Variants in MPV17 observed in about 807,000 individuals in gnomAD.
MPV17 encodes MPV17, mitochondrial inner membrane protein.
MPV17 carries 31 observed loss-of-function variants against 28.6 expected under a neutral mutation model. The ratio of observed to expected loss-of-function variants is 1.08; its 90% CI spans 0.81 to 1.46. The LOEUF is 1.46. Ranked by LOEUF, MPV17 falls within the 40% of genes most tolerant of loss-of-function variation. MPV17 has a pLI of 0.00. For synonymous variants in MPV17, 87 were observed against 85.3 expected (o/e 1.02, Z -0.11); for missense variants, 198 against 216.2 (o/e 0.92, Z 0.53).
At position 27,321,684 on chromosome 2, in the gene MPV17, G is replaced by T. The variant is rs1679865625; in HGVS notation, c.70+764C>A. Among the ~76,000 whole-genome samples, 3 of 152,276 alleles carry T rather than the reference G, an allele frequency of 2.0e-5. No homozygotes were observed. The South Asian group carries it at 6.2e-4, about 32-fold the overall frequency. On this transcript the variant is annotated intron_variant, in intron 2 of 7. Coordinates refer to ENST00000380044, the MANE Select transcript of MPV17 (RefSeq NM_002437.5). ...CAAAATGAAGATGGTAACAAATGCA[G>T]GTAGGTCACTGCATTACCTCTGTGA...
chr2:27,312,509 C>G lies in MPV17; in HGVS notation c.360G>C (p.Trp120Cys). The change falls in exon 5 of 8, where the codon TGG becomes TGC. Residue 120 changes from tryptophan (W) to cysteine (C), a missense_variant. By Grantham distance (215) the Trp-to-Cys change is radical. Coordinates refer to ENST00000380044, the MANE Select transcript of MPV17 (RefSeq NM_002437.5). ...ALNGLSAQDN[W>C]AKLQRDYPDA... ...CCCAGCTCACCCGCTGTAGTTTGGC[C>G]CAGTTGTCCTGGGCTGACAGTCCAT... is the stretch of plus-strand genomic sequence containing the variant. 3.1e-6 allele frequency: 5 copies of G among 1,614,146 alleles called. No individual in the cohort carries two copies. Among genetic ancestry groups the G allele is most frequent in the Middle Eastern group, 1.6e-4 (1 of 6,062 alleles).
chr2:27,310,050 C>T, intron 7 of MPV17, 69 bp from the exon 8 acceptor site: 1 of 1,166,330 alleles, frequency 8.6e-7, no homozygotes, highest in Non-Finnish European at 1.3e-6. Flanking sequence ...GAGATGGGAG[C>T]ATGAAATGGC....
chr2:27,312,310 T>C, intron 5 of MPV17, 64 bp from the exon 6 acceptor site: 2 of 1,555,426 alleles, frequency 1.3e-6, no homozygotes, highest in Non-Finnish European at 1.8e-6. Flanking sequence ...CTTCCCAGTA[T>C]GAATGTCACA....
Position 27,317,299 on chromosome 2 carries a change from A to C in MPV17, c.71-4190T>G. 1.5e-6 allele frequency: 2 copies of C among 1,379,232 alleles called. No individual in the cohort carries two copies. Among genetic ancestry groups the C allele is most frequent in the Non-Finnish European group, 1.9e-6 (2 of 1,039,986 alleles). The allele number at this position is 1,379,232 out of a possible 1,614,324, so 85.4% of individuals were successfully genotyped here. The stretch of plus-strand genomic sequence containing the variant: ...CTGGCACAGAGCCCAGAGGGAGTGG[A>C]AGCCCAGCAGCGGGAGGGGAGTGGA... On this transcript the variant is annotated intron_variant, in intron 2 of 7. Coordinates refer to ENST00000380044, the MANE Select transcript of MPV17 (RefSeq NM_002437.5). This position sits in a 1 kb window ranked among gnomAD's most constrained non-coding sequence, Gnocchi z 4.0.
At chr2:27,319,969 G>A (rs940407056) in intron 2 of MPV17, among the ~76,000 whole-genome samples, 23 of 150,794 alleles carry the variant, frequency 1.5e-4, no homozygotes, top group African/African-American at 5.6e-4. Context: ...TGAGCTCAGT[G>A]GCTCACACCT....
chr2:27,312,820 G>A, intron 3 of MPV17, 48 bp from the exon 4 acceptor site: 1 of 1,585,368 alleles, frequency 6.3e-7, no homozygotes, highest in Non-Finnish European at 8.7e-7. Flanking sequence ...GGGAGCCCTA[G>A]GCCTCTACCT....
chr2:27,316,194 A>G (rs1679644502), intron 2 of MPV17: 4 of 1,551,102 alleles, frequency 2.6e-6, no homozygotes, highest in Non-Finnish European at 3.5e-6. Flanking sequence ...TTCCTGGGAA[A>G]GAAACAGAGA....
In MPV17 at chr2:27,316,046, T is replaced by C. The variant is rs1057310466; in HGVS notation, c.71-2937A>G. On this transcript the variant is annotated intron_variant, in intron 2 of 7. Coordinates refer to ENST00000380044, the MANE Select transcript of MPV17 (RefSeq NM_002437.5). ...CCTGTGGCTGCTCCCCTGCTGGGTG[T>C]TCCTGCCCAAGTGAGGCCCCAAAGG... The C allele has an allele frequency of 8.4e-6, 13 of 1,549,386 alleles. No homozygotes were observed. The African/African-American group carries it at 1.6e-4, about 20-fold the overall frequency.
At chr2:27,316,171 G>T (rs1340495273) in intron 2 of MPV17, 1 of 1,551,170 alleles carries the variant, frequency 6.4e-7, no homozygotes, top group Admixed American at 2.0e-5. Flanking sequence ...CGTGGGGATG[G>T]CAGACAGCAA....
chr2:27,312,207 C>G lies in MPV17; in HGVS notation c.408+7G>C, dbSNP rs773187260. On this transcript the variant is annotated splice_region_variant and intron_variant, in intron 6 of 7. Coordinates refer to ENST00000380044, the MANE Select transcript of MPV17 (RefSeq NM_002437.5). ...GGAGAACAAGCAGTTGAGGTGTCAGCTCTTACATAGTAGTTGGTGATAAGG... is the reference window on the plus strand; with the variant it reads ...GGAGAACAAGCAGTTGAGGTGTCAGGTCTTACATAGTAGTTGGTGATAAGG... 2.5e-6 allele frequency: 4 copies of G among 1,613,892 alleles called. No individual in the cohort carries two copies. The highest frequency in any genetic ancestry group is 3.4e-6 in the Non-Finnish European group (4 of 1,179,750).
At chr2:27,311,758 G>T in intron 7 of MPV17, 141 bp downstream of exon 7, 1 of 1,558,904 alleles carries the variant, frequency 6.4e-7, no homozygotes, top group East Asian at 2.3e-5. Flanking sequence ...TAACACGCTT[G>T]GGAATCTGAG....
chr2:27,316,270 T>A, intron 2 of MPV17: 1 of 1,498,914 alleles, frequency 6.7e-7, no homozygotes, highest in Non-Finnish European at 9.1e-7. Context: ...AGAGCTGGAA[T>A]GAAAAGCCAA....
intron 2 of MPV17, chr2:27,315,971 T>C (rs982344270): frequency 1.3e-6 from 2 of 1,495,054 alleles, no homozygotes; most frequent in Non-Finnish European, 8.9e-7. Context: ...GGCCAGGGTA[T>C]TCCTGGCATG....
rs1679493383 is a variant in MPV17, at chr2:27,312,609, G to A, written c.280-20C>T. 2 of 1,613,678 alleles carry A rather than the reference G, an allele frequency of 1.2e-6. No homozygotes were observed. Among genetic ancestry groups the A allele is most frequent in the Admixed American group, 1.7e-5 (1 of 60,006 alleles). ...GCCCCCCTAGGGAAGAGAAATTAAA[G>A]TCCTATGAGTGCTGAAATCCCCACC... On this transcript the variant is annotated intron_variant, in intron 4 of 7. Coordinates refer to ENST00000380044, the MANE Select transcript of MPV17 (RefSeq NM_002437.5).
Position 27,317,077 on chromosome 2 carries a change from C to G in MPV17, c.71-3968G>C, listed in dbSNP as rs749106086. On this transcript the variant is annotated intron_variant, in intron 2 of 7. Coordinates refer to ENST00000380044, the MANE Select transcript of MPV17 (RefSeq NM_002437.5). This position sits in a 1 kb window ranked among gnomAD's most constrained non-coding sequence, Gnocchi z 4.0. ...TTCTCCTATTTTGTTCCTCTACTTA[C>G]TTTTGTGGCTTTTGAGTTTCATGCG... is the stretch of plus-strand genomic sequence containing the variant. The G allele has an allele frequency of 1.2e-5, 19 of 1,547,202 alleles. No homozygotes were observed. In the African/African-American group the frequency reaches 2.5e-4, roughly 20 times the overall value.
intron 2 of MPV17, chr2:27,322,092 CT>C: frequency 3.0e-6 from 1 of 335,398 alleles, no homozygotes; most frequent in Admixed American, 4.4e-5. Context: ...GCTCACACAC[CT>C]TTGTGGGGGC....
At chr2:27,315,099 G>A (rs1453526862) in intron 2 of MPV17, among the ~76,000 whole-genome samples, 1 of 152,226 alleles carries the variant, frequency 6.6e-6, no homozygotes, top group East Asian at 1.9e-4. Context: ...CCAGGGCCAA[G>A]GATAGAATCC....
intron 7 of MPV17, 119 bp from the exon 8 acceptor site, chr2:27,310,100 T>G (rs1390911531): frequency 1.2e-6 from 1 of 812,172 alleles, no homozygotes; most frequent in Non-Finnish European, 2.1e-6. Flanking sequence ...GGTTTAGGTC[T>G]CTTTCCTTCA....
At chr2:27,316,343 T>C (rs1679650926) in intron 2 of MPV17, among the ~76,000 whole-genome samples, 1 of 151,924 alleles carries the variant, frequency 6.6e-6, no homozygotes, top group Admixed American at 6.6e-5. Flanking sequence ...TGGATTCAAG[T>C]CCCCCAGACT....
Sources: allele counts gnomAD v4.1 joint callset (sites outside exome capture counted in the v4.1 genomes callset), GRCh38; gene constraint gnomAD v4.1.1; non-coding constraint Gnocchi (gnomAD v3.1); transcripts MANE v1.5; gene names NCBI Gene and HGNC (gene_info 2026-07-23, HGNC 2026-07-21).